The following ELFN1 variants were observed in gnomAD, a reference collection of about 807,000 sequenced individuals.
The protein encoded by ELFN1 is extracellular leucine rich repeat and fibronectin type III domain containing 1.
ELFN1 carries 6 observed loss-of-function variants against 7.6 expected under a neutral mutation model. The ratio of observed to expected loss-of-function variants is 0.79; its 90% CI spans 0.43 to 1.56. The LOEUF (loss-of-function observed/expected upper bound fraction) is 1.56. Ranked by LOEUF, ELFN1 falls within the 40% of genes most tolerant of loss-of-function variation. The probability of loss-of-function intolerance (pLI) is 0.01; values close to 1 mark genes in which losing one functional copy is unlikely to be tolerated. For missense variants in ELFN1, 1,169 were observed against 1,232.2 expected (o/e 0.95, Z 0.77); for synonymous variants, 657 against 588.1 (o/e 1.12, Z -1.70).
At chr7:1,729,498 G>A (rs888122854) in intron 3 of ELFN1, among the ~76,000 whole-genome samples, 1 of 152,228 alleles carries the variant, frequency 6.6e-6, no homozygotes, top group African/African-American at 2.4e-5. Context: ...AGGGTGCTGG[G>A]AAAGTCGCTT....
chr7:1,746,615 C>G lies in ELFN1; in HGVS notation c.2019C>G (p.Gly673=). ...CCGAGGCCAAGTACATCGAGAAGGG[C>G]TCCCCCGCGGCCGACGCCATCCTCA... The part of the protein sequence containing the change: ...AAAEAKYIEK[G]SPAADAILTV... Residue 673 remains glycine (G), a synonymous_variant, in exon 4 of 4, where the codon GGC becomes GGG. Coordinates refer to ENST00000424383, the MANE Select transcript of ELFN1 (RefSeq NM_001128636.4). The G allele has an allele frequency of 1.5e-6, 2 of 1,349,636 alleles. No homozygotes were observed. The highest frequency in any genetic ancestry group is 1.9e-6 in the Non-Finnish European group (2 of 1,055,308). 83.6% of individuals were successfully genotyped at this position (1,349,636 alleles called of 1,614,324 possible).
At chr7:1,732,958 T>C (rs1189450086) in intron 3 of ELFN1, among the ~76,000 whole-genome samples, 1 of 152,180 alleles carries the variant, frequency 6.6e-6, no homozygotes, top group Admixed American at 6.5e-5. Flanking sequence ...TGGAGTGCAG[T>C]GGCACAATGT....
At chr7:1,743,195 G>T (rs1268022498) in intron 3 of ELFN1, among the ~76,000 whole-genome samples, 3 of 152,190 alleles carry the variant, frequency 2.0e-5, no homozygotes, top group African/African-American at 7.2e-5. Flanking sequence ...CCCGCCTACA[G>T]CTCGGTCGCC....
At chr7:1,709,975 T>C (rs1374472554) in intron 3 of ELFN1, among the ~76,000 whole-genome samples, 1 of 152,264 alleles carries the variant, frequency 6.6e-6, no homozygotes, top group African/African-American at 2.4e-5. Context: ...GTTCTGGGAC[T>C]CCAACTCAGC....
At chr7:1,706,085 A>G (rs1229580419) in intron 2 of ELFN1, among the ~76,000 whole-genome samples, 1 of 152,252 alleles carries the variant, frequency 6.6e-6, no homozygotes, top group South Asian at 2.1e-4. Context: ...TCCTCCTCCG[A>G]TCCACCGCGG....
intron 3 of ELFN1, among the ~76,000 whole-genome samples, chr7:1,712,887 G>C (rs912435019): frequency 2.0e-5 from 3 of 152,166 alleles, no homozygotes; most frequent in African/African-American, 7.2e-5. Context: ...TCTATAAAAT[G>C]GGGAAAATAA....
upstream of ELFN1, among the ~76,000 whole-genome samples, chr7:1,666,504 G>C (rs1206162305): frequency 6.6e-6 from 1 of 152,016 alleles, no homozygotes; most frequent in Non-Finnish European, 1.5e-5. The surrounding 1 kb of genome is among the most constrained non-coding windows in gnomAD (Gnocchi z 7.9). Context: ...CCGAGCCTGG[G>C]CCGGACAAAC....
intron 3 of ELFN1, among the ~76,000 whole-genome samples, chr7:1,712,041 G>T (rs1779671686): frequency 6.6e-6 from 1 of 152,238 alleles, no homozygotes; most frequent in Non-Finnish European, 1.5e-5. Flanking sequence ...AGCCGTTGGG[G>T]ATGGGACAGT....
intron 1 of ELFN1, among the ~76,000 whole-genome samples, chr7:1,676,254 C>T (rs1044924520): frequency 4.6e-5 from 7 of 152,154 alleles, no homozygotes; most frequent in Non-Finnish European, 1.0e-4. Context: ...TCCTCACTGA[C>T]AGACTGCCCC....
rs10276804 is a variant in ELFN1 at position 1,740,702 on chromosome 7, C to T, written c.-293-3602C>T. On this transcript the variant is annotated intron_variant, in intron 3 of 3. Coordinates refer to ENST00000424383, the MANE Select transcript of ELFN1 (RefSeq NM_001128636.4). The surrounding 1 kb of genome is among the most constrained non-coding windows in gnomAD (Gnocchi z 5.0). Reference sequence around the variant, plus strand: ...ACCCCCCGAACCCCTCCTAGCACAGCACCTGTCCAGCCTCTCCCCCCCGGC... The same window carrying T: ...ACCCCCCGAACCCCTCCTAGCACAGTACCTGTCCAGCCTCTCCCCCCCGGC... 0.036 allele frequency among the ~76,000 whole-genome samples: 5,500 copies of T among 152,230 alleles called. 315 individuals carry two copies. Among genetic ancestry groups the T allele is most frequent in the African/African-American group, 0.12 (5,159 of 41,504 alleles).
chr7:1,737,494 G>A (rs1260566547), intron 3 of ELFN1, among the ~76,000 whole-genome samples: 1 of 152,176 alleles, frequency 6.6e-6, no homozygotes, highest in Non-Finnish European at 1.5e-5. Flanking sequence ...CCCACTCTCA[G>A]ATGCGAAGCC....
intron 2 of ELFN1, among the ~76,000 whole-genome samples, chr7:1,698,322 T>C (rs1184177543): frequency 6.6e-6 from 1 of 152,240 alleles, no homozygotes; most frequent in Non-Finnish European, 1.5e-5. Flanking sequence ...CTCCCTTTTG[T>C]GGCAATTTTC....
chr7:1,729,742 G>A (rs746888679), intron 3 of ELFN1, among the ~76,000 whole-genome samples: 1 of 152,224 alleles, frequency 6.6e-6, no homozygotes, highest in Non-Finnish European at 1.5e-5. Flanking sequence ...AGACAGGGTC[G>A]GCCCTAGTAG....
intron 3 of ELFN1, among the ~76,000 whole-genome samples, chr7:1,717,427 G>A (rs1183602326): frequency 6.6e-6 from 1 of 152,216 alleles, no homozygotes; most frequent in Non-Finnish European, 1.5e-5. Context: ...CTGAGACTCT[G>A]GGACACCCAG....
In ELFN1 at chr7:1,740,513, C is replaced by T. The variant is rs899697819; in HGVS notation, c.-293-3791C>T. On this transcript the variant is annotated intron_variant, in intron 3 of 3. Transcript: ENST00000424383. This position sits in a 1 kb window ranked among gnomAD's most constrained non-coding sequence, Gnocchi z 5.0. ...GTGTGAGTGCGGATCAGCGAGGGCA[C>T]AGGCTGGCGGGGCATCGAGAGTGAC... 2.0e-5 allele frequency among the ~76,000 whole-genome samples: 3 copies of T among 152,210 alleles called. No homozygotes were observed. Among genetic ancestry groups the T allele is most frequent in the Admixed American group, 6.5e-5 (1 of 15,292 alleles).
At chr7:1,681,129 A>G (rs1331201511) in intron 1 of ELFN1, among the ~76,000 whole-genome samples, 1 of 152,220 alleles carries the variant, frequency 6.6e-6, no homozygotes, top group Non-Finnish European at 1.5e-5. Flanking sequence ...TCTAACACTT[A>G]GTGTCATATT....
chr7:1,669,752 G>A (rs375282530), upstream of ELFN1, among the ~76,000 whole-genome samples: 13 of 152,334 alleles, frequency 8.5e-5, no homozygotes, highest in East Asian at 2.1e-3. Flanking sequence ...CTAGGTCCCT[G>A]CCCTCCCGGA....
At position 1,735,125 on chromosome 7, in the gene ELFN1, G is replaced by A. The variant is rs1425626913; in HGVS notation, c.-293-9179G>A. ...CTGTTTCCCCATCTGTCCAATTGAG[G>A]TAACACTAACCTTTGCCTCCCTGAA... On this transcript the variant is annotated intron_variant, in intron 3 of 3. Coordinates refer to ENST00000424383, the MANE Select transcript of ELFN1 (RefSeq NM_001128636.4). The surrounding 1 kb of genome is among the most constrained non-coding windows in gnomAD (Gnocchi z 5.9). Among the ~76,000 whole-genome samples, 1 of 152,158 alleles carries A rather than the reference G, an allele frequency of 6.6e-6. No homozygotes were observed. The highest frequency in any genetic ancestry group is 1.5e-5 in the Non-Finnish European group (1 of 68,034).
intron 3 of ELFN1, among the ~76,000 whole-genome samples, chr7:1,743,830 C>T (rs1254510908): frequency 2.6e-5 from 4 of 152,242 alleles, no homozygotes; most frequent in Non-Finnish European, 4.4e-5. Context: ...CCAGTGAGGG[C>T]CTTCACACGC....
Sources: allele counts gnomAD v4.1 joint callset (sites outside exome capture counted in the v4.1 genomes callset), GRCh38; gene constraint gnomAD v4.1.1; non-coding constraint Gnocchi (gnomAD v3.1); transcripts MANE v1.5; gene names NCBI Gene and HGNC (gene_info 2026-07-23, HGNC 2026-07-21).